The following DCAF8 variants were observed in gnomAD, a reference collection of about 807,000 sequenced individuals.
The protein encoded by DCAF8 is DDB1- and CUL4-associated factor 8.
In DCAF8, 20 loss-of-function variants were observed where a neutral mutation model predicts 68.0. The observed-to-expected ratio is 0.29, with a 90% CI of 0.21 to 0.43. The LOEUF is 0.43. Ranked by LOEUF, DCAF8 falls within the 20% of genes least tolerant of loss-of-function variation. The probability of loss-of-function intolerance (pLI) is 1.00; values close to 1 mark genes in which losing one functional copy is unlikely to be tolerated. For synonymous variants in DCAF8, 230 were observed against 276.9 expected (o/e 0.83, Z 1.68); for missense variants, 460 against 771.0 (o/e 0.60, Z 4.78).
In DCAF8 at chr1:160,240,053, C is replaced by G; in HGVS notation, c.367G>C (p.Ala123Pro). Residue 123 changes from alanine to proline, a missense_variant, in exon 4 of 14, where the codon GCT becomes CCT. This residue lies in a region of DCAF8 where 156 missense variants were observed against 181.4 expected (regional missense o/e 0.86). Transcript: ENST00000368074. ...QPRRRVQRKRANRDQDSSDDE... is the reference protein window; with the variant it reads ...QPRRRVQRKRPNRDQDSSDDE... ...TCTGATGAGTCCTGGTCACGGTTAG[C>G]CCGCTTGCGCTGTACACGGCGCCGA... 1.9e-6 allele frequency: 3 copies of G among 1,614,260 alleles called. No homozygotes were observed. Among genetic ancestry groups the G allele is most frequent in the Non-Finnish European group, 2.5e-6 (3 of 1,180,044 alleles).
rs1160645757 is a variant in DCAF8 at position 160,225,667 on chromosome 1, C to T, written c.1071-4G>A. ...AATTTTCCTCTGGTCATAAATCCTA[C>T]AGTTGGAAAAGCAATGAAAATGTAA... is the stretch of plus-strand genomic sequence containing the variant. On this transcript the variant is annotated splice_polypyrimidine_tract_variant and splice_region_variant and intron_variant, in intron 7 of 13. Transcript: ENST00000368074. 6.2e-7 allele frequency: 1 copy of T among 1,611,366 alleles called. No homozygotes were observed. Among genetic ancestry groups the T allele is most frequent in the Admixed American group, 1.7e-5 (1 of 59,858 alleles).
At chr1:160,256,013 T>G (rs1464171232) in intron 2 of DCAF8, among the ~76,000 whole-genome samples, 1 of 38,116 alleles carries the variant, frequency 2.6e-5, no homozygotes, top group Non-Finnish European at 5.0e-5. Context: ...CTAAGCAAAC[T>G]TTTTTTTTTT....
At chr1:160,250,464 CA>C (rs386368471) in intron 2 of DCAF8, among the ~76,000 whole-genome samples, 52 of 66,622 alleles carry the variant, frequency 7.8e-4, no homozygotes, top group Middle Eastern at 9.6e-3. Context: ...GAAACTGTCT[CA>C]AAAAAAAAAA....
chr1:160,241,622 AG>A (rs1656120131), intron 3 of DCAF8, among the ~76,000 whole-genome samples: 1 of 152,192 alleles, frequency 6.6e-6, no homozygotes, highest in Non-Finnish European at 1.5e-5. Flanking sequence ...TTCCAACCTA[AG>A]TCAAGGTGTG....
At chr1:160,256,973 A>C (rs1276615855) in intron 2 of DCAF8, among the ~76,000 whole-genome samples, 1 of 152,230 alleles carries the variant, frequency 6.6e-6, no homozygotes, top group Non-Finnish European at 1.5e-5. Context: ...AAAAGCTTTC[A>C]AAGACTTTCT....
intron 2 of DCAF8, among the ~76,000 whole-genome samples, chr1:160,254,374 A>G (rs1383903678): frequency 6.6e-6 from 1 of 152,254 alleles, no homozygotes; most frequent in Non-Finnish European, 1.5e-5. Flanking sequence ...CCAATATAGC[A>G]TAACTATGTC....
At position 160,243,424 on chromosome 1, in the gene DCAF8, T is replaced by TAA. The variant is rs1553197205; in HGVS notation, c.49+534_49+535dup. 6.1e-5 allele frequency among the ~76,000 whole-genome samples: 9 copies of TAA among 146,690 alleles called. No individual in the cohort carries two copies. The East Asian group carries it at 1.0e-3, about 17-fold the overall frequency. Reference sequence around the variant, plus strand: ...TAATCACCTTTTTTTTTTTTTTTTTTAAAAAGACGGGGTCTCGCTATGTTG... The same window carrying TAA: ...TAATCACCTTTTTTTTTTTTTTTTTTAAAAAAAGACGGGGTCTCGCTATGTTG... On this transcript the variant is annotated intron_variant, in intron 3 of 13. Transcript: ENST00000368074.
intron 7 of DCAF8, among the ~76,000 whole-genome samples, chr1:160,226,167 T>C (rs1655465654): frequency 6.6e-6 from 1 of 152,196 alleles, no homozygotes; most frequent in African/African-American, 2.4e-5. Flanking sequence ...ATACTGCTAC[T>C]TTTCACTGAA....
intron 11 of DCAF8, 138 bp from the exon 12 acceptor site, chr1:160,219,106 G>T: frequency 8.2e-7 from 1 of 1,226,614 alleles, no homozygotes; most frequent in Non-Finnish European, 1.1e-6. Context: ...CACCCATCCT[G>T]AGCCTAAGCC....
At chr1:160,238,821 T>C (rs1161925523) in intron 4 of DCAF8, 74 bp from the exon 5 acceptor site, 3 of 1,410,972 alleles carry the variant, frequency 2.1e-6, no homozygotes, top group South Asian at 1.4e-5. Flanking sequence ...AAAAATACGA[T>C]GATGACCTCA....
chr1:160,222,903 G>T, intron 10 of DCAF8, 122 bp from the exon 11 acceptor site: 1 of 1,368,502 alleles, frequency 7.3e-7, no homozygotes, highest in Non-Finnish European at 1.0e-6. Context: ...ATGTTTAACA[G>T]ATAGTTATAG....
At chr1:160,235,890 C>CA (rs1368431283) in intron 6 of DCAF8, among the ~76,000 whole-genome samples, 1 of 152,110 alleles carries the variant, frequency 6.6e-6, no homozygotes. Flanking sequence ...AGGCACATGC[C>CA]AACATGTCCA....
intron 11 of DCAF8, among the ~76,000 whole-genome samples, chr1:160,222,157 A>G (rs932654180): frequency 6.6e-6 from 1 of 152,236 alleles, no homozygotes; most frequent in Non-Finnish European, 1.5e-5. Flanking sequence ...AATCAATTTA[A>G]TATTGAATAC....
intron 7 of DCAF8, among the ~76,000 whole-genome samples, chr1:160,228,092 A>ATTT (rs34386233): frequency 2.8e-5 from 4 of 145,320 alleles, no homozygotes; most frequent in East Asian, 2.0e-4. Context: ...TTTTTTCTTA[A>ATTT]TTTTTTTTTT....
rs1253294484 is a variant in DCAF8, at chr1:160,257,049, T to G, written c.-27+4236A>C. Among the ~76,000 whole-genome samples the G allele has an allele frequency of 2.6e-5, 4 of 152,364 alleles. No individual in the cohort carries two copies. The East Asian group carries it at 5.8e-4, about 22-fold the overall frequency. On this transcript the variant is annotated intron_variant, in intron 2 of 13. Coordinates refer to ENST00000368074, the MANE Select transcript of DCAF8 (RefSeq NM_015726.4). ...AGTAGCCTCCTTTTCTGACTGATTT[T>G]AACAGCAATGATGTTTCTTGGCTAC...
At chr1:160,261,621 A>G (rs1657092719) in intron 1 of DCAF8, 1 of 152,244 alleles carries the variant, frequency 6.6e-6, no homozygotes, top group South Asian at 2.1e-4. Context: ...AATCTTTTCA[A>G]CGCTAAACCA....
intron 2 of DCAF8, among the ~76,000 whole-genome samples, chr1:160,246,960 A>AAAAAAAT (rs1557839528): frequency 6.6e-6 from 1 of 152,174 alleles, no homozygotes; most frequent in African/African-American, 2.4e-5. Context: ...CACAGTCTCC[A>AAAAAAAT]AAAAAATAAA....
chr1:160,234,242 C>CAA (rs10660397), intron 6 of DCAF8, among the ~76,000 whole-genome samples: 67,149 of 138,404 alleles, frequency 0.49, 16,056 homozygotes, highest in South Asian at 0.59. Flanking sequence ...GACTGCACCT[C>CAA]AAAAAAAAAA....
intron 3 of DCAF8, among the ~76,000 whole-genome samples, 189 bp downstream of exon 3, chr1:160,243,771 C>T (rs974881353): frequency 2.6e-5 from 4 of 152,166 alleles, no homozygotes; most frequent in Non-Finnish European, 5.9e-5. Flanking sequence ...TGAAAATGAT[C>T]AGATAAAATC....
Sources: allele counts gnomAD v4.1 joint callset (sites outside exome capture counted in the v4.1 genomes callset), GRCh38; gene constraint gnomAD v4.1.1; regional missense constraint gnomAD v4.1.1; transcripts MANE v1.5; gene names NCBI Gene and HGNC (gene_info 2026-07-23, HGNC 2026-07-21).